The following EIF3G variants were observed in gnomAD, a reference collection of about 807,000 sequenced individuals.
EIF3G encodes the protein eukaryotic translation initiation factor 3 RNA-binding subunit.
Under a neutral mutation model 41.7 loss-of-function variants are expected in EIF3G, and 10 were observed. The ratio of observed to expected loss-of-function variants is 0.24; its 90% CI spans 0.15 to 0.41. EIF3G has a LOEUF of 0.41. Ranked by LOEUF, EIF3G falls within the 10% of genes least tolerant of loss-of-function variation. The pLI is 1.00. For synonymous variants in EIF3G, 204 were observed against 172.5 expected (o/e 1.18, Z -1.43); for missense variants, 297 against 444.0 (o/e 0.67, Z 2.98).
chr19:10,117,431 G>C (rs1259853427), intron 5 of EIF3G: 1 of 491,912 alleles, frequency 2.0e-6, no homozygotes, highest in Non-Finnish European at 3.6e-6. Flanking sequence ...ACACAGCGTG[G>C]GGCCTGCGCA....
rs148715249 is a variant in EIF3G at position 10,118,895 on chromosome 19, C to T, written c.213G>A (p.Lys71=). Residue 71 remains lysine (K), a synonymous_variant, in exon 4 of 11, where the codon AAG becomes AAA. Transcript: ENST00000253108. ...NGNIKTVTEY[K]IDEDGKKFKI... is the part of the protein sequence containing the mutation. ...TGAACTTCTTGCCATCCTCATCTATCTTGTACTCTGTCACTGTCTTTATGT... is the reference window on the plus strand; with the variant it reads ...TGAACTTCTTGCCATCCTCATCTATTTTGTACTCTGTCACTGTCTTTATGT... The T allele has an allele frequency of 8.1e-6, 13 of 1,613,792 alleles. No individual in the cohort carries two copies. The highest frequency in any genetic ancestry group is 1.1e-5 in the Non-Finnish European group (13 of 1,179,950).
chr19:10,118,556 C>T, intron 5 of EIF3G, 112 bp downstream of exon 5: 1 of 1,226,648 alleles, frequency 8.2e-7, no homozygotes, highest in Non-Finnish European at 1.2e-6. Context: ...CAGAGCAACA[C>T]TCTGTCTCAA....
rs774251071 is a variant in EIF3G, at chr19:10,115,716, G to A, written c.808C>T (p.Leu270=). The change falls in exon 9 of 11, where the codon CTG becomes TTG. Residue 270 remains leucine, a synonymous_variant. Coordinates refer to ENST00000253108, the MANE Select transcript of EIF3G (RefSeq NM_003755.5). The part of the protein sequence containing the change: ...RPFGSISRIY[L]AKDKTTGQSK... The stretch of plus-strand genomic sequence containing the variant: ...TGGCCAGTGGTCTTGTCCTTAGCCA[G>A]GTAGATGCGGGAGATGGAGCCGAAA... The A allele has an allele frequency of 4.3e-6, 7 of 1,614,124 alleles. No homozygotes were observed. Among genetic ancestry groups the A allele is most frequent in the Middle Eastern group, 1.6e-4 (1 of 6,084 alleles).
intron 10 of EIF3G, 51 bp from the exon 11 acceptor site, chr19:10,115,180 C>G: frequency 6.2e-7 from 1 of 1,607,010 alleles, no homozygotes; most frequent in Non-Finnish European, 8.5e-7. Context: ...CACCCCAAGA[C>G]CCCAGACACC....
Position 10,119,183 on chromosome 19 carries a change from A to C in EIF3G, c.68-12T>G. ...GGTGACACATTTGTCTGCAAAAGGC[A>C]GCGTAGGAAGGAGGAGTCAGCTCCA... On this transcript the variant is annotated splice_polypyrimidine_tract_variant and intron_variant, in intron 2 of 10. Coordinates refer to ENST00000253108, the MANE Select transcript of EIF3G (RefSeq NM_003755.5). 6.4e-7 allele frequency: 1 copy of C among 1,566,700 alleles called. No homozygotes were observed. Among genetic ancestry groups the C allele is most frequent in the Non-Finnish European group, 8.7e-7 (1 of 1,154,562 alleles).
Position 10,118,863 on chromosome 19 carries a change from C to G in EIF3G, c.240+5G>C, listed in dbSNP as rs773446668. 38 of 1,613,804 alleles carry G rather than the reference C, an allele frequency of 2.4e-5. No individual in the cohort carries two copies. The Middle Eastern group carries it at 6.6e-4, about 28-fold the overall frequency. Reference sequence around the variant, plus strand: ...GTCCCCACTCCCTGCACCCCCCACCCTCACCTTGAACTTCTTGCCATCCTC... The same window carrying G: ...GTCCCCACTCCCTGCACCCCCCACCGTCACCTTGAACTTCTTGCCATCCTC... On this transcript the variant is annotated splice_donor_5th_base_variant and intron_variant, in intron 4 of 10. Transcript: ENST00000253108.
chr19:10,118,982 A>G lies in EIF3G; in HGVS notation c.152-26T>C, dbSNP rs780054301. On this transcript the variant is annotated intron_variant, in intron 3 of 10. Transcript: ENST00000253108. ...CTGGCAGAAGGGGAAAAACAGAGAA[A>G]GACTGAGCCCTGGGTCATGGGGATC... The G allele has an allele frequency of 3.1e-6, 5 of 1,613,906 alleles. No individual in the cohort carries two copies. In the East Asian group the frequency reaches 8.9e-5, roughly 29 times the overall value.
chr19:10,117,306 C>T (rs1436527945), intron 5 of EIF3G, 118 bp from the exon 6 acceptor site: 1 of 701,288 alleles, frequency 1.4e-6, no homozygotes, highest in Non-Finnish European at 2.4e-6. Flanking sequence ...ACCCCATCTT[C>T]ATCCTCCTCA....
chr19:10,118,858 C>T lies in EIF3G; in HGVS notation c.240+10G>A, dbSNP rs879295784. On this transcript the variant is annotated intron_variant, in intron 4 of 10. Transcript: ENST00000253108. Reference sequence around the variant, plus strand: ...CAAGGGTCCCCACTCCCTGCACCCCCCACCCTCACCTTGAACTTCTTGCCA... The same window carrying T: ...CAAGGGTCCCCACTCCCTGCACCCCTCACCCTCACCTTGAACTTCTTGCCA... 1.4e-5 allele frequency: 23 copies of T among 1,613,628 alleles called. No homozygotes were observed. Among genetic ancestry groups the T allele is most frequent in the African/African-American group, 5.3e-5 (4 of 74,908 alleles).
intron 10 of EIF3G, 68 bp from the exon 11 acceptor site, chr19:10,115,197 G>C: frequency 6.3e-7 from 1 of 1,590,180 alleles, no homozygotes; most frequent in Non-Finnish European, 8.6e-7. Flanking sequence ...CACCCAAGTG[G>C]CATCTTGGGG....
In EIF3G at chr19:10,117,202, G is replaced by C; in HGVS notation, c.301-14C>G. 3 of 1,594,190 alleles carry C rather than the reference G, an allele frequency of 1.9e-6. No homozygotes were observed. The highest frequency in any genetic ancestry group is 2.6e-6 in the Non-Finnish European group (3 of 1,168,234). ...CTTCTTCCAGTTCTGGGCTCAGGGAGGGATGGGGGACAGTTGAGGGCAGGG... is the reference window on the plus strand; with the variant it reads ...CTTCTTCCAGTTCTGGGCTCAGGGACGGATGGGGGACAGTTGAGGGCAGGG... On this transcript the variant is annotated splice_polypyrimidine_tract_variant and intron_variant, in intron 5 of 10. Coordinates refer to ENST00000253108, the MANE Select transcript of EIF3G (RefSeq NM_003755.5).
rs192747251 is a variant in EIF3G, at chr19:10,116,740, C to T, written c.595+60G>A. ...CACTGTCGTGCGGGAGATGACAGCACGAAGGCAGCAGTGGGGACAGAACCC... is the reference window on the plus strand; with the variant it reads ...CACTGTCGTGCGGGAGATGACAGCATGAAGGCAGCAGTGGGGACAGAACCC... On this transcript the variant is annotated intron_variant, in intron 7 of 10. Transcript: ENST00000253108. This position sits in a 1 kb window ranked among gnomAD's most constrained non-coding sequence, Gnocchi z 4.1. The T allele has an allele frequency of 2.2e-5, 33 of 1,485,942 alleles. No homozygotes were observed. The highest frequency in any genetic ancestry group is 6.9e-5 in the East Asian group (3 of 43,740). The allele number at this position is 1,485,942 out of a possible 1,614,324, so 92.0% of individuals were successfully genotyped here.
chr19:10,116,261 C>G lies in EIF3G; in HGVS notation c.596-187G>C, dbSNP rs2089247276. 2 of 620,302 alleles carry G rather than the reference C, an allele frequency of 3.2e-6. No individual in the cohort carries two copies. The highest frequency in any genetic ancestry group is 5.6e-5 in the East Asian group (2 of 35,960). 38.4% of individuals were successfully genotyped at this position (620,302 alleles called of 1,614,324 possible). On this transcript the variant is annotated intron_variant, in intron 7 of 10. Coordinates refer to ENST00000253108, the MANE Select transcript of EIF3G (RefSeq NM_003755.5). The surrounding 1 kb of genome is among the most constrained non-coding windows in gnomAD (Gnocchi z 4.1). ...AGCTGACACCATTTGAGCTCCCAGC[C>G]AGCGACACTGGTGGAGGAGGAGGAG...
chr19:10,115,255 G>A (rs2089221450), intron 10 of EIF3G, 126 bp from the exon 11 acceptor site: 2 of 1,279,746 alleles, frequency 1.6e-6, no homozygotes, highest in Non-Finnish European at 2.2e-6. Flanking sequence ...CGGGCACGGA[G>A]CCAGATGGCC....
At position 10,116,108 on chromosome 19, in the gene EIF3G, C is replaced by T; in HGVS notation, c.596-34G>A. On this transcript the variant is annotated intron_variant, in intron 7 of 10. Coordinates refer to ENST00000253108, the MANE Select transcript of EIF3G (RefSeq NM_003755.5). The surrounding 1 kb of genome is among the most constrained non-coding windows in gnomAD (Gnocchi z 4.1). ...CAAAAGACAGTCAAGTTCAACCTCA[C>T]TGTGGCGCAGGCGTGGGGACAGAGC... 1.2e-6 allele frequency: 2 copies of T among 1,602,638 alleles called. No individual in the cohort carries two copies. Among genetic ancestry groups the T allele is most frequent in the Non-Finnish European group, 1.7e-6 (2 of 1,172,830 alleles).
chr19:10,115,430 TGCTGGGACAAGGCAGGGAGCAGGG>T (rs748901391), intron 10 of EIF3G, 25 bp downstream of exon 10: 29 of 1,560,572 alleles, frequency 1.9e-5, no homozygotes, highest in Admixed American at 3.5e-5. Flanking sequence ...TCCGTGAAGG[TGCTGGGACAAGGCAGGGAGCAGGG>T]GCTGGGGCAG....
chr19:10,118,072 CT>C (rs1437230535), intron 5 of EIF3G: 1 of 152,246 alleles, frequency 6.6e-6, no homozygotes, highest in Non-Finnish European at 1.5e-5. Context: ...TTAAAAGAAT[CT>C]AATTTTTATT....
rs1411720153 is a variant in EIF3G at position 10,116,132 on chromosome 19, G to A, written c.596-58C>T. ...ACTGTGGCGCAGGCGTGGGGACAGA[G>A]CCGCCCCAGGAAGCTCGGGCTTCAG... is the stretch of plus-strand genomic sequence containing the variant. On this transcript the variant is annotated intron_variant, in intron 7 of 10. Transcript: ENST00000253108. The surrounding 1 kb of genome is among the most constrained non-coding windows in gnomAD (Gnocchi z 4.1). 36 of 1,534,538 alleles carry A rather than the reference G, an allele frequency of 2.3e-5. No individual in the cohort carries two copies. The highest frequency in any genetic ancestry group is 3.2e-5 in the Non-Finnish European group (36 of 1,123,220).
Position 10,119,027 on chromosome 19 carries a change from G to A in EIF3G, c.151+61C>T, listed in dbSNP as rs1038937692. 4.3e-6 allele frequency: 7 copies of A among 1,611,406 alleles called. No homozygotes were observed. In the African/African-American group the frequency reaches 9.4e-5, roughly 22 times the overall value. ...GGGATCAGGAGCGGCAGGGCTGGAG[G>A]GAGAGGCAGCCCGGACACCGAGTGG... On this transcript the variant is annotated intron_variant, in intron 3 of 10. Coordinates refer to ENST00000253108, the MANE Select transcript of EIF3G (RefSeq NM_003755.5).
Sources: gnomAD v4.1 joint callset for allele counts on GRCh38, gnomAD v4.1.1 for gene constraint, Gnocchi (gnomAD v3.1) non-coding constraint, MANE v1.5 for transcripts, NCBI Gene and HGNC (gene_info 2026-07-23, HGNC 2026-07-21) for gene names.